Variants in PLA2R1 observed in about 807,000 individuals in gnomAD.
The protein encoded by PLA2R1 is phospholipase A2 receptor 1, also known as secretory phospholipase A2 receptor.
A neutral mutation model predicts 195.9 loss-of-function variants in PLA2R1; 158 were observed. The observed-to-expected ratio is 0.81, with a 90% CI of 0.71 to 0.92. PLA2R1 has a LOEUF of 0.92. Ranked by LOEUF, PLA2R1 falls within the 40% of genes least tolerant of loss-of-function variation. The pLI, the probability that PLA2R1 is intolerant of heterozygous loss-of-function variation, is 0.00. For missense variants in PLA2R1, 1,626 were observed against 1,764.6 expected (o/e 0.92, Z 1.41); for synonymous variants, 586 against 598.2 (o/e 0.98, Z 0.30).
chr2:160,051,571 T>G (rs1440729187), intron 1 of PLA2R1, among the ~76,000 whole-genome samples: 1 of 152,212 alleles, frequency 6.6e-6, no homozygotes, highest in South Asian at 2.1e-4. Context: ...CTTCACAAAT[T>G]TGGGTTTGTC....
intron 20 of PLA2R1, among the ~76,000 whole-genome samples, chr2:159,962,097 A>G (rs557662917): frequency 6.6e-6 from 1 of 152,318 alleles, no homozygotes; most frequent in East Asian, 1.9e-4. Context: ...ATAAACAGGC[A>G]ACCTACAGAA....
the PLA2R1 span, among the ~76,000 whole-genome samples, chr2:159,924,596 G>C: frequency 1.3e-5 from 2 of 152,034 alleles, no homozygotes; most frequent in African/African-American, 4.8e-5. Flanking sequence ...TCTATGTAAT[G>C]GACCAGCCAG....
chr2:160,042,544 A>T (rs1311716892), intron 2 of PLA2R1, among the ~76,000 whole-genome samples: 2 of 152,202 alleles, frequency 1.3e-5, no homozygotes, highest in Non-Finnish European at 2.9e-5. Flanking sequence ...CACATCAGCC[A>T]TTAGCATCTA....
chr2:160,044,003 T>C (rs1347137160), intron 2 of PLA2R1, among the ~76,000 whole-genome samples: 4 of 152,152 alleles, frequency 2.6e-5, no homozygotes, highest in African/African-American at 9.7e-5. Flanking sequence ...GTGGGGTGGA[T>C]TTGTTAGCAG....
chr2:159,980,290 G>C (rs1333124056), intron 13 of PLA2R1, among the ~76,000 whole-genome samples: 1 of 152,124 alleles, frequency 6.6e-6, no homozygotes, highest in African/African-American at 2.4e-5. Flanking sequence ...TTGAGAACAT[G>C]AGTTTCTCAT....
At chr2:160,035,617 G>A (rs1196465696) in intron 3 of PLA2R1, among the ~76,000 whole-genome samples, 1 of 152,120 alleles carries the variant, frequency 6.6e-6, no homozygotes, top group Non-Finnish European at 1.5e-5. Context: ...ATGGGCTCCA[G>A]GGAAGCAATT....
chr2:159,964,891 G>T (rs1190157208), intron 20 of PLA2R1, among the ~76,000 whole-genome samples: 1 of 152,048 alleles, frequency 6.6e-6, no homozygotes, highest in Non-Finnish European at 1.5e-5. Context: ...GTCAGGCGTG[G>T]TGGCAGGCAC....
chr2:159,976,817 C>T, intron 15 of PLA2R1, 97 bp from the exon 16 acceptor site: 1 of 892,908 alleles, frequency 1.1e-6, no homozygotes, highest in Non-Finnish European at 1.9e-6. Flanking sequence ...TGTCCTTCAT[C>T]TTTTAAAACA....
chr2:159,997,222 G>C (rs1441756129), intron 11 of PLA2R1, among the ~76,000 whole-genome samples: 2 of 152,146 alleles, frequency 1.3e-5, no homozygotes, highest in Non-Finnish European at 2.9e-5. Flanking sequence ...CAGCCTTTTG[G>C]TGAGCCTGTG....
At chr2:160,044,088 T>C (rs1425232589) in intron 2 of PLA2R1, among the ~76,000 whole-genome samples, 1 of 152,082 alleles carries the variant, frequency 6.6e-6, no homozygotes, top group Non-Finnish European at 1.5e-5. Context: ...TAGAGTGAGC[T>C]ACCAAACAAA....
rs1686964447 is a variant in PLA2R1, at chr2:159,939,064, G to A, written c.*2714C>T. The A allele has an allele frequency of 6.6e-6, 1 of 152,320 alleles. No individual in the cohort carries two copies. Among genetic ancestry groups the A allele is most frequent in the African/African-American group, 2.4e-5 (1 of 41,570 alleles). 9.4% of individuals were successfully genotyped at this position (152,320 alleles called of 1,614,324 possible). ...ATCCTGCCGCTTTTTTGGCATAAAT[G>A]TAAGGAGTACAAGTGTAATTTTGTT... On this transcript the variant is annotated 3_prime_UTR_variant, in exon 30 of 30. Transcript: ENST00000283243.
At chr2:159,962,051 A>C (rs1403353165) in intron 20 of PLA2R1, among the ~76,000 whole-genome samples, 1 of 152,220 alleles carries the variant, frequency 6.6e-6, no homozygotes, top group Non-Finnish European at 1.5e-5. Flanking sequence ...AATTAAATTA[A>C]AGAGCTTCTG....
chr2:160,058,949 C>T (rs1695762048), intron 1 of PLA2R1, among the ~76,000 whole-genome samples: 1 of 152,146 alleles, frequency 6.6e-6, no homozygotes, highest in African/African-American at 2.4e-5. Flanking sequence ...TTATACAGCT[C>T]ACCATAATGT....
intron 1 of PLA2R1, among the ~76,000 whole-genome samples, chr2:160,045,696 C>A (rs965351888): frequency 6.6e-6 from 1 of 152,198 alleles, no homozygotes; most frequent in Non-Finnish European, 1.5e-5. Flanking sequence ...GGATTCAATA[C>A]TGGTCAGAAT....
intron 20 of PLA2R1, among the ~76,000 whole-genome samples, chr2:159,965,482 A>G (rs566240173): frequency 1.2e-4 from 18 of 152,114 alleles, no homozygotes; most frequent in Non-Finnish European, 2.4e-4. Context: ...TTGATAGCTA[A>G]TTTCTTTTTA....
chr2:160,006,692 A>C (rs75652224), intron 10 of PLA2R1, among the ~76,000 whole-genome samples: 2,206 of 152,360 alleles, frequency 0.014, 50 homozygotes, highest in African/African-American at 0.051. Flanking sequence ...AAGTTAGAAG[A>C]AGCACATTTG....
chr2:159,969,565 T>A (rs1689009494), intron 18 of PLA2R1, among the ~76,000 whole-genome samples: 1 of 152,152 alleles, frequency 6.6e-6, no homozygotes, highest in Non-Finnish European at 1.5e-5. Context: ...TTTTTTGAGA[T>A]GGAGTCTCTC....
chr2:160,024,650 T>G (rs1558953341), intron 6 of PLA2R1, among the ~76,000 whole-genome samples: 1 of 152,180 alleles, frequency 6.6e-6, no homozygotes, highest in Non-Finnish European at 1.5e-5. Context: ...ATGGGTGCCT[T>G]GGCTGAGCTG....
rs763392779 is a variant in PLA2R1, at chr2:159,976,769, A to G, written c.2402-49T>C. On this transcript the variant is annotated intron_variant, in intron 15 of 29. Coordinates refer to ENST00000283243, the MANE Select transcript of PLA2R1 (RefSeq NM_007366.5). ...TTGACTGATCTTGCTTCTCAAGTGC[A>G]TTGTCTGTGAATTACTTCAGCTCTA... 8 of 1,446,776 alleles carry G rather than the reference A, an allele frequency of 5.5e-6. 1 individual carries two copies. The highest frequency in any genetic ancestry group is 1.7e-5 in the Admixed American group (1 of 59,474). The allele number at this position is 1,446,776 out of a possible 1,614,324, so 89.6% of individuals were successfully genotyped here.
Sources: allele counts gnomAD v4.1 joint callset (sites outside exome capture counted in the v4.1 genomes callset), GRCh38; gene constraint gnomAD v4.1.1; transcripts MANE v1.5; gene names NCBI Gene and HGNC (gene_info 2026-07-23, HGNC 2026-07-21).